Variants in MICU3 observed in about 807,000 individuals in gnomAD.
The protein encoded by MICU3 is mitochondrial calcium uptake 3.
Under a neutral mutation model 66.5 loss-of-function variants are expected in MICU3, and 62 were observed. That is an observed-to-expected ratio of 0.93 (90% CI 0.76 to 1.15). The LOEUF (loss-of-function observed/expected upper bound fraction) is 1.15, where lower values mean the gene tolerates loss of function less well. Ranked by LOEUF, MICU3 falls within the 50% of genes most tolerant of loss-of-function variation. The pLI is 0.00. For synonymous variants in MICU3, 308 were observed against 240.7 expected (o/e 1.28, Z -2.59); for missense variants, 779 against 664.4 (o/e 1.17, Z -1.90).
At chr8:17,096,955 TTGTGTG>T (rs3988378) in intron 8 of MICU3, among the ~76,000 whole-genome samples, 2,765 of 141,612 alleles carry the variant, frequency 0.02, 23 homozygotes, top group South Asian at 0.031. Context: ...CTAAATATAT[TTGTGTG>T]TGTGTGTGTG....
At chr8:17,027,748 C>G (rs2150458401) in intron 1 of MICU3, 88 bp downstream of exon 1, 1 of 1,237,126 alleles carries the variant, frequency 8.1e-7, no homozygotes, top group African/African-American at 1.6e-5. Context: ...GGGGACGGTG[C>G]AAGCGCTGTG....
Position 17,116,446 on chromosome 8 carries a change from A to T in MICU3, c.1370A>T (p.Glu457Val). The T allele has an allele frequency of 6.8e-7, 1 of 1,460,856 alleles. No individual in the cohort carries two copies. Among genetic ancestry groups the T allele is most frequent in the South Asian group, 1.6e-5 (1 of 63,084 alleles). 90.5% of individuals were successfully genotyped at this position (1,460,856 alleles called of 1,614,324 possible). Residue 457 changes from glutamate (E) to valine (V), a missense_variant, in exon 13 of 15, where the codon GAA (glutamate) becomes GTA (valine). Coordinates refer to ENST00000318063, the MANE Select transcript of MICU3 (RefSeq NM_181723.3). ...TTTCTATGTAACATTTATCTAGATG[A>T]ATTTAAACGTGCCGTCTATGTAGCT... ...NFASRSIGQD[E>V]FKRAVYVATG...
intron 13 of MICU3, 27 bp downstream of exon 13, chr8:17,116,627 G>C: frequency 2.7e-6 from 4 of 1,488,390 alleles, no homozygotes; most frequent in Non-Finnish European, 3.6e-6. Context: ...TAAACCTATT[G>C]ATATCCTTTT....
intron 3 of MICU3, among the ~76,000 whole-genome samples, chr8:17,070,877 G>A (rs850414): frequency 0.99 from 150,689 of 152,158 alleles, 74,632 homozygotes; most frequent in Middle Eastern, 1. Context: ...TGTTTTTTCA[G>A]TTTGGTAGAC....
At chr8:17,107,875 A>G (rs1373347525) in intron 11 of MICU3, among the ~76,000 whole-genome samples, 3 of 152,202 alleles carry the variant, frequency 2.0e-5, no homozygotes, top group African/African-American at 7.2e-5. Context: ...TCATGTTTCA[A>G]GAGATATCTT....
intron 1 of MICU3, among the ~76,000 whole-genome samples, chr8:17,051,620 C>A (rs932418735): frequency 6.6e-6 from 1 of 152,142 alleles, no homozygotes; most frequent in Non-Finnish European, 1.5e-5. Context: ...ACAGTGAAAT[C>A]TTACAAACAG....
At chr8:17,091,562 C>T (rs1189214935) in intron 8 of MICU3, among the ~76,000 whole-genome samples, 1 of 152,064 alleles carries the variant, frequency 6.6e-6, no homozygotes, top group Admixed American at 6.6e-5. Context: ...TAAACAGCTA[C>T]TGGAGGCTGA....
At chr8:17,053,047 T>A (rs1261101282) in intron 1 of MICU3, among the ~76,000 whole-genome samples, 2 of 152,136 alleles carry the variant, frequency 1.3e-5, no homozygotes, top group African/African-American at 4.8e-5. Context: ...AAATCACTCT[T>A]TAAAATTTTG....
chr8:17,081,197 G>A (rs973370938), intron 4 of MICU3, among the ~76,000 whole-genome samples: 8 of 152,040 alleles, frequency 5.3e-5, no homozygotes, highest in African/African-American at 1.7e-4. Flanking sequence ...CAGAAAAGTG[G>A]TAACTATAGA....
At chr8:17,086,372 A>C (rs2150742618) in intron 6 of MICU3, among the ~76,000 whole-genome samples, 1 of 152,150 alleles carries the variant, frequency 6.6e-6, no homozygotes, top group East Asian at 1.9e-4. Flanking sequence ...ACTGGGATTT[A>C]TCAGTAGGCT....
intron 11 of MICU3, among the ~76,000 whole-genome samples, chr8:17,107,527 TA>T (rs1407751974): frequency 2.0e-5 from 3 of 152,076 alleles, no homozygotes; most frequent in African/African-American, 7.3e-5. Flanking sequence ...AGAGTGACTG[TA>T]AGAGTGATGG....
intron 1 of MICU3, among the ~76,000 whole-genome samples, chr8:17,032,617 C>T (rs992714333): frequency 6.6e-6 from 1 of 152,108 alleles, no homozygotes; most frequent in African/African-American, 2.4e-5. Flanking sequence ...GTTTTCCAGC[C>T]TCTTTTGTCA....
chr8:17,027,298 C>G lies in MICU3; in HGVS notation c.19C>G (p.Leu7Val). The G allele has an allele frequency of 7.2e-7, 1 of 1,384,734 alleles. No individual in the cohort carries two copies. The allele number at this position is 1,384,734 out of a possible 1,614,324, so 85.8% of individuals were successfully genotyped here. A position where few individuals can be genotyped will look rare whatever the true frequency, so the allele number is the denominator to read the frequency against. Residue 7 changes from leucine to valine, a missense_variant, in exon 1 of 15, where the codon CTC (leucine) becomes GTC (valine). Physicochemically the swap from Leu to Val is conservative, Grantham distance 32. Coordinates refer to ENST00000318063, the MANE Select transcript of MICU3 (RefSeq NM_181723.3). MAALRRLLWPPPRVSPP... is the reference protein window; with the variant it reads MAALRRVLWPPPRVSPP... ...CTCCGCTATGGCTGCGCTGCGAAGG[C>G]TCTTGTGGCCGCCACCCCGGGTGTC... is the stretch of plus-strand genomic sequence containing the variant.
intron 1 of MICU3, among the ~76,000 whole-genome samples, chr8:17,047,036 T>C (rs1474221885): frequency 1.3e-5 from 2 of 152,164 alleles, no homozygotes; most frequent in African/African-American, 4.8e-5. Context: ...AAGCACAAAA[T>C]ATATGAAGTT....
rs955899689 is a variant in MICU3 at position 17,112,061 on chromosome 8, G to A, written c.1258-2032G>A. Among the ~76,000 whole-genome samples the A allele has an allele frequency of 1.2e-4, 15 of 128,286 alleles. 1 individual carries two copies. 84.2% of individuals were successfully genotyped at this position (128,286 alleles called of 152,430 possible). On this transcript the variant is annotated intron_variant, in intron 11 of 14. Coordinates refer to ENST00000318063, the MANE Select transcript of MICU3 (RefSeq NM_181723.3). ...CACTCACTATCACGAGAACAGCATG[G>A]GGTGAACTGCCTCCATAATCCAGTC...
chr8:17,130,456 T>C, the MICU3 span, among the ~76,000 whole-genome samples: 17 of 151,528 alleles, frequency 1.1e-4, no homozygotes, highest in Non-Finnish European at 2.4e-4. Context: ...GAGGTGGAGG[T>C]TGCAGTGAGC....
the MICU3 span, among the ~76,000 whole-genome samples, chr8:17,136,710 G>A: frequency 1.3e-5 from 2 of 152,070 alleles, no homozygotes; most frequent in Non-Finnish European, 2.9e-5. Context: ...GATAGGAGTT[G>A]GGCAGGGCAT....
At chr8:17,044,709 T>A (rs1310465655) in intron 1 of MICU3, among the ~76,000 whole-genome samples, 1 of 152,216 alleles carries the variant, frequency 6.6e-6, no homozygotes, top group East Asian at 1.9e-4. Context: ...TCCTTGCCTG[T>A]TTCTCCTTAC....
At chr8:17,036,861 G>A (rs1278255623) in intron 1 of MICU3, among the ~76,000 whole-genome samples, 3 of 152,222 alleles carry the variant, frequency 2.0e-5, no homozygotes, top group Non-Finnish European at 2.9e-5. Flanking sequence ...GCACCGTGGC[G>A]CAGGGGGTGG....
Sources: allele counts gnomAD v4.1 joint callset (sites outside exome capture counted in the v4.1 genomes callset), GRCh38; gene constraint gnomAD v4.1.1; transcripts MANE v1.5; gene names NCBI Gene and HGNC (gene_info 2026-07-23, HGNC 2026-07-21).